Variants in MTHFD1L observed in about 807,000 individuals in gnomAD.
MTHFD1L encodes the protein methylenetetrahydrofolate dehydrogenase (NADP+ dependent) 1 like.
A neutral mutation model predicts 119.5 loss-of-function variants in MTHFD1L; 81 were observed. That is an observed-to-expected ratio of 0.68 (90% confidence interval 0.57 to 0.82). MTHFD1L has a LOEUF of 0.82. Ranked by LOEUF, MTHFD1L falls within the 40% of genes least tolerant of loss-of-function variation. The pLI, the probability that MTHFD1L is intolerant of heterozygous loss-of-function variation, is 0.00. For missense variants in MTHFD1L, 1,125 were observed against 1,253.4 expected (o/e 0.90, Z 1.55); for synonymous variants, 430 against 475.2 (o/e 0.90, Z 1.24).
chr6:150,906,226 A>G (rs1785884031), intron 8 of MTHFD1L, among the ~76,000 whole-genome samples: 1 of 152,214 alleles, frequency 6.6e-6, no homozygotes, highest in Non-Finnish European at 1.5e-5. Flanking sequence ...CATGAAGCAC[A>G]TCCTTGGAGC....
chr6:150,993,260 A>G (rs550291), intron 20 of MTHFD1L, among the ~76,000 whole-genome samples: 81,400 of 152,030 alleles, frequency 0.54, 23,011 homozygotes, highest in African/African-American at 0.7. Flanking sequence ...CCATTTCTTC[A>G]TTTGGCACAT....
chr6:150,929,693 A>T (rs975683972), intron 11 of MTHFD1L, among the ~76,000 whole-genome samples: 3 of 152,226 alleles, frequency 2.0e-5, no homozygotes, highest in African/African-American at 7.2e-5. Context: ...TAGCATTAAT[A>T]TGTATAATCA....
intron 20 of MTHFD1L, among the ~76,000 whole-genome samples, chr6:150,979,646 A>G (rs531213267): frequency 3.8e-4 from 58 of 152,012 alleles, no homozygotes; most frequent in Non-Finnish European, 7.2e-4. Flanking sequence ...GATTACAGGC[A>G]CGCACCACCA....
rs190264244 is a variant in MTHFD1L, at chr6:150,948,110, C to T, written c.1624-921C>T. ...GCAACTTCTGCCTCCCAGGTTAAAGCGATTCTCCTGCCTCAGCCTCCCAAG... is the reference window on the plus strand; with the variant it reads ...GCAACTTCTGCCTCCCAGGTTAAAGTGATTCTCCTGCCTCAGCCTCCCAAG... On this transcript the variant is annotated intron_variant, in intron 15 of 27. Coordinates refer to ENST00000367321, the MANE Select transcript of MTHFD1L (RefSeq NM_015440.5). 8.0e-3 allele frequency among the ~76,000 whole-genome samples: 1,208 copies of T among 151,686 alleles called. 8 individuals are homozygous for T. Among genetic ancestry groups the T allele is most frequent in the Non-Finnish European group, 0.013 (851 of 67,890 alleles).
At chr6:150,970,961 T>A (rs1236368122) in intron 19 of MTHFD1L, among the ~76,000 whole-genome samples, 3 of 152,212 alleles carry the variant, frequency 2.0e-5, no homozygotes, top group Non-Finnish European at 4.4e-5. Context: ...GGGCCTTAAA[T>A]TTCTGGATAA....
At chr6:151,094,835 C>T (rs959816181) in intron 27 of MTHFD1L, among the ~76,000 whole-genome samples, 22 of 152,110 alleles carry the variant, frequency 1.4e-4, no homozygotes, top group East Asian at 5.8e-4. Context: ...GGAGCCACCA[C>T]GCCCAGCCTA....
At chr6:150,905,611 C>G in intron 7 of MTHFD1L, 39 bp from the exon 8 acceptor site, 1 of 1,447,532 alleles carries the variant, frequency 6.9e-7, no homozygotes, top group Non-Finnish European at 9.7e-7. Context: ...CTTTATGCCT[C>G]AGATCAAGAT....
chr6:150,928,243 G>A (rs917473358), intron 11 of MTHFD1L, among the ~76,000 whole-genome samples: 1 of 151,834 alleles, frequency 6.6e-6, no homozygotes. Flanking sequence ...AGACCATCCT[G>A]GCTAACATGG....
intron 10 of MTHFD1L, among the ~76,000 whole-genome samples, chr6:150,922,707 G>A (rs184036444): frequency 0.09 from 12,870 of 142,920 alleles, 819 homozygotes; most frequent in African/African-American, 0.18. Flanking sequence ...GCAATGGTGC[G>A]ATCTCGGCTC....
At chr6:150,890,135 A>G (rs1782979300) in intron 7 of MTHFD1L, among the ~76,000 whole-genome samples, 1 of 152,120 alleles carries the variant, frequency 6.6e-6, no homozygotes, top group Non-Finnish European at 1.5e-5. Flanking sequence ...CAGCCTGGGC[A>G]ACAAGAACGA....
chr6:150,986,982 G>A (rs1260172386), intron 20 of MTHFD1L, among the ~76,000 whole-genome samples: 2 of 152,128 alleles, frequency 1.3e-5, no homozygotes, highest in South Asian at 2.1e-4. Context: ...GATTACAGAC[G>A]TGAGCCACCG....
chr6:150,916,738 T>C (rs11757698), intron 8 of MTHFD1L, among the ~76,000 whole-genome samples: 1 of 4,818 alleles, frequency 2.1e-4, no homozygotes, highest in Non-Finnish European at 3.3e-4. Flanking sequence ...ATTCTATCCC[T>C]TTTTTTTTTT....
chr6:150,922,263 T>C lies in MTHFD1L; in HGVS notation c.1043T>C (p.Leu348Pro). ...GAACAGCAGCACAGGCGGTGGAGAC[T>C]TCACTGCTTGAAACTTCAGCCTCTC... ...LREQQHRRWR[L>P]HCLKLQPLSP... The change falls in exon 10 of 28, where the codon CTT (leucine) becomes CCT (proline). Residue 348 changes from leucine to proline, a missense_variant. Coordinates refer to ENST00000367321, the MANE Select transcript of MTHFD1L (RefSeq NM_015440.5). 1.9e-6 allele frequency: 3 copies of C among 1,614,018 alleles called. No homozygotes were observed. Among genetic ancestry groups the C allele is most frequent in the Non-Finnish European group, 2.5e-6 (3 of 1,179,920 alleles).
At chr6:150,903,689 G>A (rs1314142917) in intron 7 of MTHFD1L, among the ~76,000 whole-genome samples, 2 of 152,170 alleles carry the variant, frequency 1.3e-5, no homozygotes, top group African/African-American at 4.8e-5. Flanking sequence ...CTCCCAAAGT[G>A]CTGGGATTAC....
rs183537446 is a variant in MTHFD1L, at chr6:150,909,093, C to T, written c.892+3332C>T. Reference sequence around the variant, plus strand: ...TTCTGTAGAGACATTTTATGGAATACGTAATCCTAGGAGAGATTTTCCTGA... The same window carrying T: ...TTCTGTAGAGACATTTTATGGAATATGTAATCCTAGGAGAGATTTTCCTGA... On this transcript the variant is annotated intron_variant, in intron 8 of 27. Coordinates refer to ENST00000367321, the MANE Select transcript of MTHFD1L (RefSeq NM_015440.5). Among the ~76,000 whole-genome samples the T allele has an allele frequency of 3.0e-3, 460 of 152,074 alleles. 3 individuals are homozygous for T. Among genetic ancestry groups the T allele is most frequent in the African/African-American group, 0.01 (432 of 41,494 alleles).
chr6:151,066,381 T>C (rs917082939), intron 26 of MTHFD1L, among the ~76,000 whole-genome samples: 1 of 121,236 alleles, frequency 8.2e-6, no homozygotes, highest in African/African-American at 3.3e-5. Context: ...AGCTTGCAAG[T>C]GAGCTGAGAT....
At chr6:151,087,547 T>A (rs1793937508) in intron 26 of MTHFD1L, among the ~76,000 whole-genome samples, 1 of 152,052 alleles carries the variant, frequency 6.6e-6, no homozygotes, top group African/African-American at 2.4e-5. Flanking sequence ...TCAGGCAAAA[T>A]CAGAAAATAA....
At chr6:151,005,728 C>G (rs1279851220) in intron 20 of MTHFD1L, among the ~76,000 whole-genome samples, 4 of 152,030 alleles carry the variant, frequency 2.6e-5, no homozygotes, top group Non-Finnish European at 5.9e-5. Flanking sequence ...GAGCTGTGAT[C>G]GTGCCATTGC....
chr6:150,966,767 T>C (rs529784632), intron 19 of MTHFD1L, among the ~76,000 whole-genome samples: 14 of 152,160 alleles, frequency 9.2e-5, no homozygotes, highest in African/African-American at 2.9e-4. Context: ...AAGATTACAG[T>C]GAACTGAGAT....
Sources: allele counts gnomAD v4.1 joint callset (sites outside exome capture counted in the v4.1 genomes callset), GRCh38; gene constraint gnomAD v4.1.1; transcripts MANE v1.5; gene names NCBI Gene and HGNC (gene_info 2026-07-23, HGNC 2026-07-21).